MYO9B: variants seen among roughly 807,000 people sequenced by gnomAD.
MYO9B encodes the protein myosin IXB.
A neutral mutation model predicts 229.5 loss-of-function variants in MYO9B; 71 were observed. The observed-to-expected ratio is 0.31, with a 90% CI of 0.26 to 0.38. The LOEUF (loss-of-function observed/expected upper bound fraction) is 0.38. MYO9B is among the 10% of genes least tolerant of loss of function. The pLI is 1.00. For missense variants in MYO9B, 2,255 were observed against 2,920.5 expected (o/e 0.77, Z 5.25); for synonymous variants, 1,185 against 1,235.8 (o/e 0.96, Z 0.86).
chr19:17,152,821 G>C, intron 4 of MYO9B, 115 bp downstream of exon 4: 1 of 884,442 alleles, frequency 1.1e-6, no homozygotes. Flanking sequence ...GGGGGAGGCC[G>C]TGGAGGCTCT....
At chr19:17,184,817 C>G (rs921293505) in intron 16 of MYO9B, 48 bp from the exon 17 acceptor site, 1 of 1,610,020 alleles carries the variant, frequency 6.2e-7, no homozygotes, top group East Asian at 2.2e-5. Flanking sequence ...CTCCCCGTGC[C>G]CGTGTGGGCT....
chr19:17,077,409 G>C (rs541881685), intron 1 of MYO9B, among the ~76,000 whole-genome samples: 2 of 152,290 alleles, frequency 1.3e-5, no homozygotes, highest in South Asian at 4.1e-4. Context: ...CTTTGGCCTG[G>C]CTTGCCCCAG....
chr19:17,138,836 G>A (rs138134315), intron 2 of MYO9B, among the ~76,000 whole-genome samples: 2 of 152,178 alleles, frequency 1.3e-5, no homozygotes, highest in East Asian at 3.9e-4. Context: ...ACTACTAATA[G>A]GTGTGTTAAT....
intron 2 of MYO9B, among the ~76,000 whole-genome samples, chr19:17,118,723 T>A (rs1465227909): frequency 6.6e-6 from 1 of 152,118 alleles, no homozygotes; most frequent in Non-Finnish European, 1.5e-5. Context: ...CCTCAGGTGA[T>A]CCGCCCACCT....
In MYO9B at chr19:17,194,940, G is replaced by A. The variant is rs769358009; in HGVS notation, c.3513G>A (p.Glu1171=). The part of the protein sequence containing the change: ...FQNKHIQSCK[E]ESALREPSRR... ...ACAAACACATCCAGTCCTGCAAGGA[G>A]GAGAGTGCCCTCAGAGAACCTTCCA... The change falls in exon 22 of 40, where the codon GAG becomes GAA. Residue 1171 remains glutamate (E), a synonymous_variant. Coordinates refer to ENST00000682292, the MANE Select transcript of MYO9B (RefSeq NM_004145.4). 34 of 1,613,340 alleles carry A rather than the reference G, an allele frequency of 2.1e-5. No individual in the cohort carries two copies. Among genetic ancestry groups the A allele is most frequent in the Non-Finnish European group, 2.6e-5 (31 of 1,179,900 alleles).
At chr19:17,147,672 ATTTTTTTTTT>A (rs1027030377) in intron 3 of MYO9B, among the ~76,000 whole-genome samples, 2 of 81,206 alleles carry the variant, frequency 2.5e-5, no homozygotes, top group African/African-American at 1.2e-4. Context: ...ACTATGTTTA[ATTTTTTTTTT>A]TTTTTTTTTT....
intron 14 of MYO9B, among the ~76,000 whole-genome samples, chr19:17,179,605 T>C (rs144714258): frequency 0.12 from 17,411 of 151,382 alleles, 1,993 homozygotes; most frequent in African/African-American, 0.3. Flanking sequence ...TTTTGTGTGT[T>C]TAGTAGAGAC....
intron 1 of MYO9B, among the ~76,000 whole-genome samples, chr19:17,088,530 C>G (rs1034591111): frequency 1.3e-5 from 2 of 152,220 alleles, no homozygotes; most frequent in Non-Finnish European, 2.9e-5. Flanking sequence ...CATCCCTGCT[C>G]TGTCCCACCC....
At chr19:17,127,013 ATTT>A (rs71180364) in intron 2 of MYO9B, among the ~76,000 whole-genome samples, 1 of 92,840 alleles carries the variant, frequency 1.1e-5, no homozygotes. Context: ...TCCCCTAAGC[ATTT>A]TTTTTTTTTT....
At chr19:17,203,289 C>T in intron 30 of MYO9B, 31 bp downstream of exon 30, 3 of 1,486,868 alleles carry the variant, frequency 2.0e-6, no homozygotes, top group Non-Finnish European at 2.7e-6. Context: ...GCCCCAAAAC[C>T]CTCCATGTCC....
At chr19:17,197,429 T>G (rs1461122925) in intron 22 of MYO9B, among the ~76,000 whole-genome samples, 1 of 151,706 alleles carries the variant, frequency 6.6e-6, no homozygotes, top group Non-Finnish European at 1.5e-5. Context: ...GATAGATAGA[T>G]AGATAGATAG....
chr19:17,094,091 A>G (rs1207437919), intron 1 of MYO9B, among the ~76,000 whole-genome samples: 1 of 133,596 alleles, frequency 7.5e-6, no homozygotes, highest in East Asian at 2.0e-4. Flanking sequence ...GCTGGAGTGC[A>G]ATGGCGCAAT....
intron 2 of MYO9B, among the ~76,000 whole-genome samples, chr19:17,119,848 C>A (rs1220207891): frequency 6.6e-6 from 1 of 152,052 alleles, no homozygotes; most frequent in East Asian, 1.9e-4. Context: ...TGGGGTTTCA[C>A]CATGTTAGTC....
At chr19:17,165,685 G>A (rs886537364) in intron 10 of MYO9B, among the ~76,000 whole-genome samples, 1 of 152,138 alleles carries the variant, frequency 6.6e-6, no homozygotes, top group Non-Finnish European at 1.5e-5. Flanking sequence ...TGAGGCAGGT[G>A]GATCACTCGA....
At chr19:17,200,856 G>T (rs1296445399) in intron 26 of MYO9B, 27 bp downstream of exon 26, 8 of 1,607,136 alleles carry the variant, frequency 5.0e-6, no homozygotes, top group Non-Finnish European at 6.8e-6. Flanking sequence ...AGGGCCAGGG[G>T]CATGAGGCCC....
intron 2 of MYO9B, among the ~76,000 whole-genome samples, chr19:17,115,028 G>A (rs568729078): frequency 2.0e-4 from 29 of 147,978 alleles, no homozygotes; most frequent in African/African-American, 7.0e-4. Context: ...TAGCCCTGTC[G>A]CCCAAGCTGA....
At chr19:17,085,786 G>A (rs2057576662) in intron 1 of MYO9B, among the ~76,000 whole-genome samples, 1 of 152,180 alleles carries the variant, frequency 6.6e-6, no homozygotes, top group African/African-American at 2.4e-5. Flanking sequence ...GGGCAACATA[G>A]GGAGACCCCT....
chr19:17,124,329 C>G (rs1461819019), intron 2 of MYO9B, among the ~76,000 whole-genome samples: 2 of 151,990 alleles, frequency 1.3e-5, no homozygotes, highest in African/African-American at 4.8e-5. Flanking sequence ...CCCATCTCTA[C>G]AAATAAAAAT....
intron 20 of MYO9B, among the ~76,000 whole-genome samples, chr19:17,192,372 A>G (rs2072995156): frequency 1.3e-5 from 2 of 151,552 alleles, no homozygotes. Context: ...AGGCGGGCAG[A>G]TCACTTGAGG....
Sources: allele counts gnomAD v4.1 joint callset (sites outside exome capture counted in the v4.1 genomes callset), GRCh38; gene constraint gnomAD v4.1.1; transcripts MANE v1.5; gene names NCBI Gene and HGNC (gene_info 2026-07-23, HGNC 2026-07-21).